LRP1B: variants seen among roughly 807,000 people sequenced by gnomAD.
LRP1B encodes the protein low-density lipoprotein receptor-related protein 1B.
A neutral mutation model predicts 556.6 loss-of-function variants in LRP1B; 217 were observed. The ratio of observed to expected loss-of-function variants is 0.39; its 90% CI spans 0.35 to 0.44. The LOEUF (loss-of-function observed/expected upper bound fraction) is 0.44, where lower values mean the gene tolerates loss of function less well. LRP1B is among the 20% of genes least tolerant of loss of function. The probability of loss-of-function intolerance (pLI) is 1.00; values close to 1 mark genes in which losing one functional copy is unlikely to be tolerated. For missense variants in LRP1B, 5,053 were observed against 5,620.8 expected (o/e 0.90, Z 3.23); for synonymous variants, 2,047 against 1,865.8 (o/e 1.10, Z -2.50).
intron 86 of LRP1B, among the ~76,000 whole-genome samples, chr2:140,254,523 T>C (rs1466945582): frequency 6.6e-6 from 1 of 152,042 alleles, no homozygotes; most frequent in Non-Finnish European, 1.5e-5. Context: ...ATTTCTTTTT[T>C]TGTTTTTTGT....
intron 25 of LRP1B, among the ~76,000 whole-genome samples, chr2:140,868,996 G>A (rs925991314): frequency 2.6e-5 from 4 of 152,048 alleles, no homozygotes; most frequent in Admixed American, 1.3e-4. Flanking sequence ...GTTCTGGGTC[G>A]AATCCATGAA....
At chr2:141,494,415 T>C (rs1039104476) in intron 2 of LRP1B, among the ~76,000 whole-genome samples, 1 of 152,018 alleles carries the variant, frequency 6.6e-6, no homozygotes, top group Non-Finnish European at 1.5e-5. Context: ...GAGTTGAAGT[T>C]CAACTTGCCA....
intron 3 of LRP1B, among the ~76,000 whole-genome samples, chr2:141,319,310 G>T (rs2890598): frequency 0.99 from 132,040 of 133,886 alleles, 65,116 homozygotes; most frequent in Non-Finnish European, 1. Context: ...TTTTTTTGTT[G>T]TTTTTTTTTT....
chr2:141,628,724 CCA>C (rs371601363), intron 2 of LRP1B, among the ~76,000 whole-genome samples: 28 of 151,950 alleles, frequency 1.8e-4, no homozygotes, highest in African/African-American at 6.8e-4. Context: ...TCTCAGCTCA[CCA>C]CAGTCTCTAC....
chr2:141,335,790 GA>G (rs1203677650), intron 3 of LRP1B, among the ~76,000 whole-genome samples: 1 of 151,822 alleles, frequency 6.6e-6, no homozygotes, highest in African/African-American at 2.4e-5. Context: ...CACAGAGATG[GA>G]AAAAAAGAGA....
At chr2:141,186,926 GA>G (rs1681286966) in intron 7 of LRP1B, among the ~76,000 whole-genome samples, 1 of 152,090 alleles carries the variant, frequency 6.6e-6, no homozygotes, top group Non-Finnish European at 1.5e-5. Flanking sequence ...AGAAAAAGGG[GA>G]AAAACACAAT....
intron 60 of LRP1B, among the ~76,000 whole-genome samples, chr2:140,471,329 C>G (rs4436893): frequency 0.98 from 149,441 of 152,238 alleles, 73,400 homozygotes; most frequent in Middle Eastern, 1. Flanking sequence ...CACTTTTGCT[C>G]TTAAAATTAA....
chr2:140,392,379 C>G (rs1684061431), intron 66 of LRP1B, among the ~76,000 whole-genome samples: 1 of 151,264 alleles, frequency 6.6e-6, no homozygotes, highest in African/African-American at 2.4e-5. Flanking sequence ...CTCTGTTCAC[C>G]TGAGACAAAT....
At chr2:141,458,063 T>C (rs1475406403) in intron 3 of LRP1B, among the ~76,000 whole-genome samples, 1 of 152,206 alleles carries the variant, frequency 6.6e-6, no homozygotes, top group Non-Finnish European at 1.5e-5. Flanking sequence ...TTTGTTTTGT[T>C]TTGTTTTTTT....
chr2:141,640,126 T>C (rs1315141288), intron 2 of LRP1B, among the ~76,000 whole-genome samples: 2 of 152,152 alleles, frequency 1.3e-5, no homozygotes, highest in East Asian at 3.9e-4. Flanking sequence ...AAAGAAAAAT[T>C]AATGCCTCAG....
At chr2:141,456,783 C>A (rs1029180948) in intron 3 of LRP1B, among the ~76,000 whole-genome samples, 4 of 152,146 alleles carry the variant, frequency 2.6e-5, no homozygotes, top group Non-Finnish European at 5.9e-5. Flanking sequence ...GTAGTGGGAA[C>A]AAGATATATG....
chr2:140,528,489 A>ATT lies in LRP1B; in HGVS notation c.7763-2141_7763-2140dup, dbSNP rs149584190. ...AAAGAGTAGAAGATTTGCAGGATGT[A>ATT]TTTTTTTTTTCCTATTTTCCAAAAT... On this transcript the variant is annotated intron_variant, in intron 47 of 90. Coordinates refer to ENST00000389484, the MANE Select transcript of LRP1B (RefSeq NM_018557.3). 5.4e-3 allele frequency among the ~76,000 whole-genome samples: 807 copies of ATT among 150,156 alleles called. 6 individuals carry two copies. Among genetic ancestry groups the ATT allele is most frequent in the African/African-American group, 0.018 (730 of 41,024 alleles).
At chr2:141,184,048 A>G (rs759725584) in intron 7 of LRP1B, among the ~76,000 whole-genome samples, 2 of 151,922 alleles carry the variant, frequency 1.3e-5, no homozygotes, top group Non-Finnish European at 2.9e-5. Context: ...AAAATTGTAG[A>G]CTAGCTCCAC....
chr2:142,021,796 C>G (rs1279507965), intron 1 of LRP1B, among the ~76,000 whole-genome samples: 1 of 151,982 alleles, frequency 6.6e-6, no homozygotes, highest in Non-Finnish European at 1.5e-5. Context: ...TTAACACAGC[C>G]TCATAAATTT....
intron 7 of LRP1B, among the ~76,000 whole-genome samples, chr2:141,063,940 T>A (rs1157689486): frequency 6.6e-6 from 1 of 151,882 alleles, no homozygotes; most frequent in Non-Finnish European, 1.5e-5. Flanking sequence ...TTAGATAGCA[T>A]TATGAAGCAG....
At chr2:140,697,263 A>C (rs1686463614) in intron 41 of LRP1B, among the ~76,000 whole-genome samples, 1 of 152,128 alleles carries the variant, frequency 6.6e-6, no homozygotes, top group South Asian at 2.1e-4. Flanking sequence ...ACTACGGTTG[A>C]AACAGGATCT....
intron 41 of LRP1B, among the ~76,000 whole-genome samples, chr2:140,631,314 G>A (rs1431398592): frequency 6.6e-6 from 1 of 152,134 alleles, no homozygotes; most frequent in East Asian, 1.9e-4. Flanking sequence ...AAGAAACAAA[G>A]CATGCATCAG....
chr2:140,542,425 G>A (rs1351033740), intron 43 of LRP1B, among the ~76,000 whole-genome samples: 1 of 152,076 alleles, frequency 6.6e-6, no homozygotes, highest in Non-Finnish European at 1.5e-5. Context: ...CACCGCATGA[G>A]TGACTAAACT....
chr2:140,810,144 C>T (rs532755539), intron 32 of LRP1B, among the ~76,000 whole-genome samples: 4 of 152,226 alleles, frequency 2.6e-5, no homozygotes, highest in East Asian at 3.9e-4. Context: ...CTAAGAGTCT[C>T]GAGCGGTTCC....
Sources: gnomAD v4.1 joint callset for allele counts (sites outside exome capture counted in the v4.1 genomes callset) on GRCh38, gnomAD v4.1.1 for gene constraint, MANE v1.5 for transcripts, NCBI Gene and HGNC (gene_info 2026-07-23, HGNC 2026-07-21) for gene names.